Variants in FSTL5 observed in about 807,000 individuals in gnomAD.
FSTL5 encodes follistatin like 5.
FSTL5 carries 62 observed loss-of-function variants against 89.1 expected under a neutral mutation model. That is an observed-to-expected ratio of 0.70 (90% CI 0.57 to 0.86). The LOEUF is 0.86. Among genes scored for constraint, FSTL5 ranks in the 40% least tolerant of loss-of-function variants. The pLI, the probability that FSTL5 is intolerant of heterozygous loss-of-function variation, is 0.00. For synonymous variants in FSTL5, 383 were observed against 346.2 expected (o/e 1.11, Z -1.18); for missense variants, 1,057 against 1,001.6 (o/e 1.06, Z -0.75).
intron 12 of FSTL5, among the ~76,000 whole-genome samples, chr4:161,491,467 G>A (rs1560921240): frequency 6.6e-6 from 1 of 151,542 alleles, no homozygotes; most frequent in Non-Finnish European, 1.5e-5. Flanking sequence ...CCTATCATAA[G>A]GAGCTAATTT....
chr4:162,060,653 T>A (rs1738691582), intron 2 of FSTL5, among the ~76,000 whole-genome samples: 1 of 152,066 alleles, frequency 6.6e-6, no homozygotes, highest in Non-Finnish European at 1.5e-5. Context: ...TCTGGATTGT[T>A]ATTTGATTTT....
At position 161,425,238 on chromosome 4, in the gene FSTL5, A is replaced by G. The variant is rs572984847; in HGVS notation, c.1841+29766T>C. Among the ~76,000 whole-genome samples the G allele has an allele frequency of 9.8e-5, 15 of 152,372 alleles. No individual in the cohort carries two copies. In the South Asian group the frequency reaches 2.9e-3, roughly 29 times the overall value. On this transcript the variant is annotated intron_variant, in intron 15 of 15. Transcript: ENST00000306100. ...TGCTGTTAAAAGTTTTCAGAGGCTG[A>G]CACTAAAGTTAGGGATAAACTGAGA...
chr4:162,069,871 T>C (rs1438162628), intron 2 of FSTL5, among the ~76,000 whole-genome samples: 1 of 130,486 alleles, frequency 7.7e-6, no homozygotes, highest in Non-Finnish European at 1.6e-5. Flanking sequence ...GATATCTCTT[T>C]GATATACTAA....
At chr4:161,498,097 T>C (rs1730152656) in intron 12 of FSTL5, among the ~76,000 whole-genome samples, 1 of 151,846 alleles carries the variant, frequency 6.6e-6, no homozygotes, top group Non-Finnish European at 1.5e-5. Context: ...CATATACATA[T>C]ATATGTATAC....
chr4:161,738,827 T>C (rs75226734), intron 6 of FSTL5, among the ~76,000 whole-genome samples: 1,833 of 152,298 alleles, frequency 0.012, 44 homozygotes, highest in South Asian at 0.07. Flanking sequence ...AGCATTTTCA[T>C]TGTTTCTTCT....
At chr4:161,974,892 A>G (rs1735589067) in intron 3 of FSTL5, among the ~76,000 whole-genome samples, 1 of 152,016 alleles carries the variant, frequency 6.6e-6, no homozygotes, top group African/African-American at 2.4e-5. Context: ...CAATGAAATC[A>G]AACAAATTTA....
In FSTL5 at chr4:161,623,554, A is replaced by G. The variant is rs186094388; in HGVS notation, c.894+32774T>C. On this transcript the variant is annotated intron_variant, in intron 7 of 15. Transcript: ENST00000306100. ...ATTTTATTATACAATGAAGTGATAT[A>G]TATTTAGTGGGGTCAGTCCCTATGT... Among the ~76,000 whole-genome samples the G allele has an allele frequency of 1.7e-4, 26 of 151,982 alleles. 1 individual carries two copies. In the East Asian group the frequency reaches 4.0e-3, roughly 24 times the overall value.
intron 3 of FSTL5, among the ~76,000 whole-genome samples, chr4:162,027,779 T>A (rs1256368055): frequency 2.7e-5 from 4 of 149,962 alleles, no homozygotes; most frequent in African/African-American, 9.7e-5. Flanking sequence ...ATTAAAGAGT[T>A]GCCAGTTAAT....
intron 8 of FSTL5, among the ~76,000 whole-genome samples, chr4:161,545,155 A>T (rs933739274): frequency 6.6e-6 from 1 of 152,044 alleles, no homozygotes; most frequent in Non-Finnish European, 1.5e-5. Context: ...TTCAGAAATC[A>T]TAAGTAACTT....
chr4:161,415,663 TAG>T (rs540159042), intron 15 of FSTL5, among the ~76,000 whole-genome samples: 59 of 148,476 alleles, frequency 4.0e-4, no homozygotes, highest in African/African-American at 1.0e-3. Flanking sequence ...CATATATATA[TAG>T]AGAGAGAGAG....
At chr4:162,029,656 T>A (rs191722286) in intron 3 of FSTL5, among the ~76,000 whole-genome samples, 1 of 152,200 alleles carries the variant, frequency 6.6e-6, no homozygotes, top group Non-Finnish European at 1.5e-5. Context: ...CATCATCGAT[T>A]TTTTTTCTTA....
intron 2 of FSTL5, among the ~76,000 whole-genome samples, chr4:162,072,824 A>G (rs978146563): frequency 2.7e-4 from 41 of 151,952 alleles, no homozygotes; most frequent in African/African-American, 9.6e-4. Context: ...TCGGTAGACC[A>G]AGTAAAGCAG....
At position 162,023,368 on chromosome 4, in the gene FSTL5, T is replaced by G. The variant is rs117302192; in HGVS notation, c.160+10257A>C. On this transcript the variant is annotated intron_variant, in intron 3 of 15. Transcript: ENST00000306100. ...ATCTAAGTTAAAAACTTCTTAGAATTATGTTTGCAAGCTAGATTGCACCGT... is the reference window on the plus strand; with the variant it reads ...ATCTAAGTTAAAAACTTCTTAGAATGATGTTTGCAAGCTAGATTGCACCGT... Among the ~76,000 whole-genome samples, 76 of 152,266 alleles carry G rather than the reference T, an allele frequency of 5.0e-4. 2 individuals carry two copies. In the South Asian group the frequency reaches 6.8e-3, roughly 14 times the overall value.
At chr4:161,480,907 T>G (rs1729480062) in intron 13 of FSTL5, 113 bp downstream of exon 13, 6 of 688,356 alleles carry the variant, frequency 8.7e-6, no homozygotes, top group Non-Finnish European at 1.2e-5. Flanking sequence ...TTTCTAGTTA[T>G]CCAAGTAAGG....
At chr4:161,495,944 CT>C (rs1560923294) in intron 12 of FSTL5, among the ~76,000 whole-genome samples, 1 of 152,060 alleles carries the variant, frequency 6.6e-6, no homozygotes, top group Non-Finnish European at 1.5e-5. Context: ...GAACTTTTCA[CT>C]GTGTAATCCT....
Position 161,500,103 on chromosome 4 carries a change from A to C in FSTL5, c.1371T>G (p.Phe457Leu). The change falls in exon 12 of 16, where the codon TTT becomes TTG. Residue 457 changes from phenylalanine (F) to leucine (L), a missense_variant. Physicochemically the swap from Phe to Leu is conservative, Grantham distance 22. Around this residue, in one of 3 missense-constraint regions of FSTL5, gnomAD observed 980 missense variants for 903.2 expected, o/e 1.08. Coordinates refer to ENST00000306100, the MANE Select transcript of FSTL5 (RefSeq NM_020116.5). Reference sequence around the variant, plus strand: ...GTATCACTTTGATTCCATCTTCATAAAAAACATAGAACATGTTCCCAATTC... The same window carrying C: ...GTATCACTTTGATTCCATCTTCATACAAAACATAGAACATGTTCCCAATTC... ...GLGIGNMFYV[F>L]YEDGIKVIQP... 1 of 1,604,534 alleles carries C rather than the reference A, an allele frequency of 6.2e-7. No individual in the cohort carries two copies. The highest frequency in any genetic ancestry group is 8.5e-7 in the Non-Finnish European group (1 of 1,173,416).
chr4:161,635,271 C>A (rs909792820), intron 7 of FSTL5, among the ~76,000 whole-genome samples: 7 of 152,088 alleles, frequency 4.6e-5, no homozygotes, highest in African/African-American at 1.7e-4. Context: ...CGCCTGTAAT[C>A]CCAGTTACTC....
At chr4:161,464,392 C>T (rs1342051546) in intron 13 of FSTL5, among the ~76,000 whole-genome samples, 1 of 152,130 alleles carries the variant, frequency 6.6e-6, no homozygotes, top group Admixed American at 6.6e-5. Context: ...TTCACTTTCT[C>T]AGCACGGCCA....
chr4:161,490,385 A>G (rs1218447705), intron 12 of FSTL5, among the ~76,000 whole-genome samples: 1 of 152,088 alleles, frequency 6.6e-6, no homozygotes, highest in African/African-American at 2.4e-5. Context: ...TTTATTAATT[A>G]CTTTTCTAGA....
Sources: allele counts gnomAD v4.1 joint callset (sites outside exome capture counted in the v4.1 genomes callset), GRCh38; gene constraint gnomAD v4.1.1; regional missense constraint gnomAD v4.1.1; transcripts MANE v1.5; gene names NCBI Gene and HGNC (gene_info 2026-07-23, HGNC 2026-07-21).